Variants in ATP13A4 observed in about 807,000 individuals in gnomAD.
ATP13A4 encodes probable cation-transporting ATPase 13A4.
Under a neutral mutation model 142.5 loss-of-function variants are expected in ATP13A4, and 114 were observed. That is an observed-to-expected ratio of 0.80 (90% CI 0.69 to 0.93). The LOEUF is 0.93. ATP13A4 is among the 40% of genes least tolerant of loss of function. The pLI is 0.00. For missense variants in ATP13A4, 1,392 were observed against 1,454.0 expected (o/e 0.96, Z 0.69); for synonymous variants, 488 against 514.8 (o/e 0.95, Z 0.70).
intron 25 of ATP13A4, among the ~76,000 whole-genome samples, chr3:193,428,033 T>C (rs920033647): frequency 2.6e-5 from 4 of 152,142 alleles, no homozygotes; most frequent in East Asian, 1.9e-4. Context: ...ATTTTTGCAA[T>C]CTACTCATCT....
chr3:193,564,769 A>C (rs1251493542), intron 2 of ATP13A4, among the ~76,000 whole-genome samples: 1 of 152,168 alleles, frequency 6.6e-6, no homozygotes, highest in African/African-American at 2.4e-5. Context: ...CAGGTATTGC[A>C]GGAGGTGAGC....
intron 16 of ATP13A4, among the ~76,000 whole-genome samples, chr3:193,456,360 C>T (rs1717611494): frequency 6.6e-6 from 1 of 151,904 alleles, no homozygotes; most frequent in South Asian, 2.1e-4. Flanking sequence ...GGAGGTGGTT[C>T]AGTAAAGGAA....
At chr3:193,573,292 C>CATATATATATATATACAT (rs1724319490) in intron 2 of ATP13A4, among the ~76,000 whole-genome samples, 1 of 107,888 alleles carries the variant, frequency 9.3e-6, no homozygotes, top group East Asian at 2.4e-4. Context: ...TATATATACA[C>CATATATATATATATACAT]ATATATATAT....
At position 193,466,125 on chromosome 3, in the gene ATP13A4, T is replaced by C; in HGVS notation, c.1172A>G (p.Asn391Ser). 1 of 1,614,086 alleles carries C rather than the reference T, an allele frequency of 6.2e-7. No individual in the cohort carries two copies. The highest frequency in any genetic ancestry group is 8.5e-7 in the Non-Finnish European group (1 of 1,179,994). Residue 391 changes from asparagine (N) to serine (S), a missense_variant, in exon 11 of 30, where the codon AAT (asparagine) becomes AGT (serine). Transcript: ENST00000342695. ...VRSILYPKPV[N>S]FQLYRDAIRF... ...GATGGCATCCCTGTACAACTGAAAA[T>C]TCACTGGCTTAGGGTAGAGAATGGA...
intron 26 of ATP13A4, among the ~76,000 whole-genome samples, chr3:193,413,037 C>A (rs907576237): frequency 6.6e-6 from 1 of 152,148 alleles, no homozygotes; most frequent in Non-Finnish European, 1.5e-5. Flanking sequence ...ACAGCAACAA[C>A]GACAACTGTT....
chr3:193,548,904 T>C (rs539071368), intron 1 of ATP13A4, among the ~76,000 whole-genome samples: 68 of 152,296 alleles, frequency 4.5e-4, no homozygotes, highest in South Asian at 8.3e-4. Context: ...CCACTACTGG[T>C]TGGTATAATA....
chr3:193,420,359 C>T (rs1346420958), intron 25 of ATP13A4, among the ~76,000 whole-genome samples: 1 of 150,208 alleles, frequency 6.7e-6, no homozygotes, highest in Non-Finnish European at 1.5e-5. Context: ...ATTAGCATAC[C>T]AAGACTCATC....
intron 2 of ATP13A4, among the ~76,000 whole-genome samples, chr3:193,578,427 C>A (rs1346474187): frequency 6.6e-6 from 1 of 152,068 alleles, no homozygotes; most frequent in African/African-American, 2.4e-5. Flanking sequence ...GAAGCAACTG[C>A]TGCCATTTTG....
chr3:193,534,771 T>C (rs1722504814), intron 1 of ATP13A4, among the ~76,000 whole-genome samples: 1 of 152,172 alleles, frequency 6.6e-6, no homozygotes, highest in African/African-American at 2.4e-5. Context: ...ATTGGAATCC[T>C]AGAAGGAGAG....
At chr3:193,454,029 T>A in intron 17 of ATP13A4, 72 bp downstream of exon 17, 1 of 1,314,232 alleles carries the variant, frequency 7.6e-7, no homozygotes, top group Non-Finnish European at 1.1e-6. Flanking sequence ...CCCAGTCTAA[T>A]GCACTTGACA....
upstream of ATP13A4, among the ~76,000 whole-genome samples, chr3:193,556,918 G>GT (rs1230214792): frequency 2.0e-5 from 3 of 152,316 alleles, no homozygotes; most frequent in African/African-American, 7.2e-5. Flanking sequence ...AGGTTGAGGA[G>GT]TGTTAGTATG....
chr3:193,437,202 T>C (rs1202412798), intron 23 of ATP13A4, among the ~76,000 whole-genome samples: 1 of 143,874 alleles, frequency 7.0e-6, no homozygotes, highest in Non-Finnish European at 1.5e-5. Flanking sequence ...TTTCTCCTTA[T>C]TGCTTAGAGA....
intron 1 of ATP13A4, among the ~76,000 whole-genome samples, chr3:193,583,524 G>A (rs1257808744): frequency 1.3e-5 from 2 of 152,034 alleles, no homozygotes; most frequent in Non-Finnish European, 2.9e-5. Flanking sequence ...ATAATAGAAG[G>A]AGATCTCATA....
chr3:193,491,045 A>C (rs1294220950), intron 6 of ATP13A4, among the ~76,000 whole-genome samples: 1 of 152,230 alleles, frequency 6.6e-6, no homozygotes, highest in African/African-American at 2.4e-5. Flanking sequence ...AAACAAGTTA[A>C]GCAGCATAGT....
chr3:193,515,199 C>T (rs1721342371), intron 1 of ATP13A4, among the ~76,000 whole-genome samples: 1 of 152,090 alleles, frequency 6.6e-6, no homozygotes, highest in African/African-American at 2.4e-5. Flanking sequence ...CTGTGTTTTC[C>T]CTGAAGTGAG....
At chr3:193,579,282 C>A (rs1236566193) in intron 2 of ATP13A4, 1 of 183,544 alleles carries the variant, frequency 5.4e-6, no homozygotes, top group Non-Finnish European at 1.1e-5. Flanking sequence ...TCAGCAGCCT[C>A]CTTCTCAAAT....
rs998234083 is a variant in ATP13A4, at chr3:193,470,108, C to T, written c.943+751G>A. 7.9e-5 allele frequency among the ~76,000 whole-genome samples: 12 copies of T among 152,176 alleles called. 1 individual carries two copies. The highest frequency in any genetic ancestry group is 2.1e-4 in the South Asian group (1 of 4,832). ...GAACCATGATACACCAATAAGAGTG[C>T]GTTCACAGCCTCTCATTTTATCTCT... On this transcript the variant is annotated intron_variant, in intron 9 of 29. Coordinates refer to ENST00000342695, the MANE Select transcript of ATP13A4 (RefSeq NM_032279.4).
At chr3:193,587,101 A>G (rs1463579827) in intron 1 of ATP13A4, among the ~76,000 whole-genome samples, 1 of 152,172 alleles carries the variant, frequency 6.6e-6, no homozygotes, top group Non-Finnish European at 1.5e-5. Flanking sequence ...ATTGTGAATG[A>G]CATTTTTTCA....
intron 2 of ATP13A4, among the ~76,000 whole-genome samples, chr3:193,569,522 T>TTTG (rs35929504): frequency 0.39 from 59,561 of 151,446 alleles, 12,640 homozygotes; most frequent in African/African-American, 0.57. Flanking sequence ...GTTTGGTTTT[T>TTTG]TTGTTGTTGT....
Sources: gnomAD v4.1 joint callset for allele counts (sites outside exome capture counted in the v4.1 genomes callset) on GRCh38, gnomAD v4.1.1 for gene constraint, MANE v1.5 for transcripts, NCBI Gene and HGNC (gene_info 2026-07-23, HGNC 2026-07-21) for gene names.